DPY19L2: variants seen among roughly 807,000 people sequenced by gnomAD.
DPY19L2 encodes dpy-19 like 2.
A neutral mutation model predicts 97.9 loss-of-function variants in DPY19L2; 34 were observed. That is an observed-to-expected ratio of 0.35 (90% CI 0.26 to 0.46). The LOEUF is 0.46. Ranked by LOEUF, DPY19L2 falls within the 20% of genes least tolerant of loss-of-function variation. DPY19L2 has a pLI of 1.00. For synonymous variants in DPY19L2, 230 were observed against 307.9 expected (o/e 0.75, Z 2.65); for missense variants, 623 against 911.4 (o/e 0.68, Z 4.07).
At chr12:63,627,807 G>A (rs1379722320) in intron 6 of DPY19L2, among the ~76,000 whole-genome samples, 2 of 152,104 alleles carry the variant, frequency 1.3e-5, no homozygotes, top group African/African-American at 4.8e-5. Context: ...TGAGGACAGG[G>A]ACAGGTTCTT....
chr12:63,565,233 C>T (rs138755139), intron 21 of DPY19L2, among the ~76,000 whole-genome samples: 188 of 152,238 alleles, frequency 1.2e-3, no homozygotes, highest in African/African-American at 3.9e-3. Context: ...GCTGCTATAA[C>T]AAATTACCAC....
intron 12 of DPY19L2, among the ~76,000 whole-genome samples, chr12:63,602,535 G>A (rs544971370): frequency 7.9e-5 from 12 of 152,128 alleles, no homozygotes; most frequent in African/African-American, 2.4e-4. Context: ...GACCTGAATC[G>A]GCATTTGGAA....
In DPY19L2 at chr12:63,596,808, T is replaced by C. The variant is rs1416734546; in HGVS notation, c.1462-771A>G. ...TACAAATAGAGGAAAGAGCCCTGGA[T>C]TGAGAGTTCTAGAATCCATTAGAAT... On this transcript the variant is annotated intron_variant, in intron 14 of 21. Coordinates refer to ENST00000324472, the MANE Select transcript of DPY19L2 (RefSeq NM_173812.5). 2.6e-5 allele frequency among the ~76,000 whole-genome samples: 4 copies of C among 152,278 alleles called. No homozygotes were observed. In the East Asian group the frequency reaches 5.8e-4, roughly 22 times the overall value.
At chr12:63,617,120 GA>G (rs1355938842) in intron 11 of DPY19L2, among the ~76,000 whole-genome samples, 183 bp downstream of exon 11, 1 of 151,994 alleles carries the variant, frequency 6.6e-6, no homozygotes, top group East Asian at 1.9e-4. Flanking sequence ...GTCTTAAAAA[GA>G]AAAACTTCCT....
chr12:63,595,949 A>G lies in DPY19L2; in HGVS notation c.1533+17T>C. The G allele has an allele frequency of 1.9e-6, 3 of 1,541,548 alleles. No individual in the cohort carries two copies. The highest frequency in any genetic ancestry group is 2.6e-6 in the Non-Finnish European group (3 of 1,136,242). On this transcript the variant is annotated intron_variant, in intron 15 of 21. Transcript: ENST00000324472. ...TATATTGATGCCAAAAACAAATAAT[A>G]ATTTGTTTAAAAATACCTTTTTAAA...
At chr12:63,582,577 A>G (rs759310459) in intron 17 of DPY19L2, 52 bp from the exon 18 acceptor site, 1 of 1,544,984 alleles carries the variant, frequency 6.5e-7, no homozygotes, top group Non-Finnish European at 8.8e-7. Flanking sequence ...ATATTTTTAA[A>G]TTAATGAAGT....
rs1895643930 is a variant in DPY19L2 at position 63,661,304 on chromosome 12, A to C, written c.588+40T>G. 5.3e-6 allele frequency: 8 copies of C among 1,506,106 alleles called. No individual in the cohort carries two copies. The East Asian group carries it at 1.7e-4, about 32-fold the overall frequency. The allele number at this position is 1,506,106 out of a possible 1,614,324, so 93.3% of individuals were successfully genotyped here. On this transcript the variant is annotated intron_variant, in intron 4 of 21. Coordinates refer to ENST00000324472, the MANE Select transcript of DPY19L2 (RefSeq NM_173812.5). ...TTACTATTTTTATCTGACAAAGAGG[A>C]TCACTCTACAAATATTATTTGTCTC...
intron 8 of DPY19L2, among the ~76,000 whole-genome samples, chr12:63,622,562 G>A (rs1383080475): frequency 6.6e-6 from 1 of 152,132 alleles, no homozygotes; most frequent in African/African-American, 2.4e-5. Context: ...ATATTTGCAT[G>A]GACGTGTGCA....
intron 21 of DPY19L2, among the ~76,000 whole-genome samples, chr12:63,565,212 C>A (rs1029197561): frequency 2.0e-5 from 3 of 152,256 alleles, no homozygotes; most frequent in Admixed American, 1.3e-4. Context: ...GAGCTATATT[C>A]GTTTCCTATT....
Position 63,560,343 on chromosome 12 carries a change from A to G in DPY19L2, c.*169T>C. 2 of 749,154 alleles carry G rather than the reference A, an allele frequency of 2.7e-6. No individual in the cohort carries two copies. Among genetic ancestry groups the G allele is most frequent in the Non-Finnish European group, 4.0e-6 (2 of 499,028 alleles). 46.4% of individuals were successfully genotyped at this position (749,154 alleles called of 1,614,324 possible). A position where few individuals can be genotyped will look rare whatever the true frequency, so the allele number is the denominator to read the frequency against. On this transcript the variant is annotated 3_prime_UTR_variant, in exon 22 of 22. Coordinates refer to ENST00000324472, the MANE Select transcript of DPY19L2 (RefSeq NM_173812.5). ...GCTTAATAAGGCTGACATTCAATGAACAGAAAAGTAATTTACCTTTTAGTA... is the reference window on the plus strand; with the variant it reads ...GCTTAATAAGGCTGACATTCAATGAGCAGAAAAGTAATTTACCTTTTAGTA...
At chr12:63,589,927 G>A (rs1480509887) in intron 16 of DPY19L2, among the ~76,000 whole-genome samples, 6 of 152,066 alleles carry the variant, frequency 3.9e-5, no homozygotes, top group Non-Finnish European at 8.8e-5. Context: ...TCAGGAGTTC[G>A]AGACCAGCCT....
intron 16 of DPY19L2, among the ~76,000 whole-genome samples, chr12:63,588,120 T>G (rs1050233180): frequency 1.3e-5 from 2 of 152,070 alleles, no homozygotes; most frequent in Non-Finnish European, 2.9e-5. Context: ...AAAGAAAAAC[T>G]AAGGACATAA....
At chr12:63,659,187 C>A (rs1895356846) in intron 4 of DPY19L2, among the ~76,000 whole-genome samples, 1 of 152,168 alleles carries the variant, frequency 6.6e-6, no homozygotes, top group Admixed American at 6.5e-5. Context: ...ACTAGAACCA[C>A]TGACTTCATC....
intron 6 of DPY19L2, among the ~76,000 whole-genome samples, chr12:63,629,581 T>C (rs1470863855): frequency 6.6e-6 from 1 of 152,118 alleles, no homozygotes; most frequent in Non-Finnish European, 1.5e-5. Flanking sequence ...AGACCAAGTC[T>C]ACGTCTGATT....
intron 19 of DPY19L2, among the ~76,000 whole-genome samples, chr12:63,571,330 C>T (rs1342572947): frequency 2.6e-5 from 4 of 152,134 alleles, no homozygotes; most frequent in African/African-American, 9.7e-5. Context: ...GATGAAGAGA[C>T]ACAGCCAAGT....
At chr12:63,642,744 T>C (rs1026900867) in intron 6 of DPY19L2, among the ~76,000 whole-genome samples, 12 of 151,818 alleles carry the variant, frequency 7.9e-5, no homozygotes, top group African/African-American at 2.7e-4. Flanking sequence ...AAATCCTCCT[T>C]TTTCAAGAAT....
intron 19 of DPY19L2, among the ~76,000 whole-genome samples, chr12:63,580,144 T>C (rs1388409623): frequency 3.5e-5 from 5 of 144,904 alleles, no homozygotes; most frequent in Non-Finnish European, 7.5e-5. Flanking sequence ...TGTGAGATGA[T>C]TTAGTGAAGA....
At chr12:63,583,752 A>C (rs1275383662) in intron 17 of DPY19L2, 60 bp downstream of exon 17, 25 of 1,570,354 alleles carry the variant, frequency 1.6e-5, no homozygotes, top group Non-Finnish European at 2.1e-5. Flanking sequence ...ACCTTTGTCA[A>C]TTATCCTCAA....
At chr12:63,631,071 T>C (rs1890536901) in intron 6 of DPY19L2, among the ~76,000 whole-genome samples, 1 of 151,758 alleles carries the variant, frequency 6.6e-6, no homozygotes, top group Non-Finnish European at 1.5e-5. Context: ...CAAAGCAGTG[T>C]GTAGAGGGAA....
Sources: allele counts gnomAD v4.1 joint callset (sites outside exome capture counted in the v4.1 genomes callset), GRCh38; gene constraint gnomAD v4.1.1; transcripts MANE v1.5; gene names NCBI Gene and HGNC (gene_info 2026-07-23, HGNC 2026-07-21).